The following DZIP3 variants were observed in gnomAD, a reference collection of about 807,000 sequenced individuals.
The protein encoded by DZIP3 is DAZ interacting zinc finger protein 3, also known as E3 ubiquitin-protein ligase DZIP3.
In DZIP3, 118 loss-of-function variants were observed where a neutral mutation model predicts 162.0. That is an observed-to-expected ratio of 0.73 (90% CI 0.63 to 0.85). DZIP3 has a LOEUF of 0.85. DZIP3 is among the 40% of genes least tolerant of loss of function. The pLI is 0.00. For synonymous variants in DZIP3, 438 were observed against 458.6 expected (o/e 0.96, Z 0.57); for missense variants, 1,331 against 1,407.0 (o/e 0.95, Z 0.86).
At chr3:108,606,028 TTCAG>T (rs1940345948) in intron 2 of DZIP3, among the ~76,000 whole-genome samples, 1 of 152,200 alleles carries the variant, frequency 6.6e-6, no homozygotes. Flanking sequence ...TACCTTATTG[TTCAG>T]TCATTCTCAC....
chr3:108,629,491 A>G (rs1559740035), intron 8 of DZIP3, among the ~76,000 whole-genome samples: 1 of 152,196 alleles, frequency 6.6e-6, no homozygotes, highest in Admixed American at 6.5e-5. Context: ...TTTAAATTAC[A>G]AAGTACTAAA....
intron 25 of DZIP3, among the ~76,000 whole-genome samples, chr3:108,677,070 G>C (rs1348830680): frequency 2.6e-5 from 4 of 151,986 alleles, no homozygotes; most frequent in African/African-American, 9.7e-5. Flanking sequence ...TTTTCCTTCC[G>C]TTTTTAAAAT....
At chr3:108,625,078 CT>C (rs1307735624) in intron 6 of DZIP3, among the ~76,000 whole-genome samples, 2 of 151,950 alleles carry the variant, frequency 1.3e-5, no homozygotes, top group African/African-American at 4.8e-5. Flanking sequence ...ATTTTAAATA[CT>C]TTAATGTAGT....
At chr3:108,663,964 CAG>C (rs1388257454) in intron 21 of DZIP3, among the ~76,000 whole-genome samples, 3 of 152,184 alleles carry the variant, frequency 2.0e-5, no homozygotes, top group South Asian at 2.1e-4. Context: ...TTACATAAAA[CAG>C]AGACTTCCAG....
intron 5 of DZIP3, among the ~76,000 whole-genome samples, chr3:108,623,095 C>T (rs2107559003): frequency 6.6e-6 from 1 of 152,058 alleles, no homozygotes; most frequent in East Asian, 1.9e-4. Context: ...AGGGCGAGTG[C>T]AGAAGTGCCA....
At chr3:108,611,350 T>A in intron 4 of DZIP3, 21 bp downstream of exon 4, 1 of 1,610,222 alleles carries the variant, frequency 6.2e-7, no homozygotes, top group Non-Finnish European at 8.5e-7. Flanking sequence ...AAGTTGTTAT[T>A]TGGGGCAGAA....
chr3:108,637,192 A>C (rs147990636), intron 11 of DZIP3, among the ~76,000 whole-genome samples: 2,113 of 152,172 alleles, frequency 0.014, 53 homozygotes, highest in African/African-American at 0.049. Context: ...ATAACTAAAT[A>C]GACCAAATTA....
intron 19 of DZIP3, among the ~76,000 whole-genome samples, chr3:108,656,798 A>G (rs889811979): frequency 2.6e-5 from 4 of 152,166 alleles, no homozygotes; most frequent in Non-Finnish European, 5.9e-5. Context: ...TCCTTAAAGG[A>G]CCTGATGGAG....
chr3:108,603,235 G>C (rs9856626), intron 1 of DZIP3: 101,816 of 152,064 alleles, frequency 0.67, 34,414 homozygotes, highest in East Asian at 0.98. Flanking sequence ...TATTCTCTAG[G>C]TATGAAATAA....
intron 5 of DZIP3, among the ~76,000 whole-genome samples, chr3:108,620,929 C>A (rs999597413): frequency 2.6e-5 from 4 of 152,196 alleles, no homozygotes; most frequent in African/African-American, 4.8e-5. Flanking sequence ...TCAAGTGATT[C>A]TTCTGCCTCA....
intron 23 of DZIP3, among the ~76,000 whole-genome samples, chr3:108,673,553 CT>C (rs1282151170): frequency 6.6e-6 from 1 of 151,848 alleles, no homozygotes; most frequent in African/African-American, 2.4e-5. Context: ...GGCTAAATTA[CT>C]GCAAGTAGTG....
Position 108,688,056 on chromosome 3 carries a change from T to G in DZIP3, c.3230T>G (p.Val1077Gly), listed in dbSNP as rs754014839. The change falls in exon 29 of 33, where the codon GTT becomes GGT. Residue 1077 changes from valine (V) to glycine (G), a missense_variant. This residue lies in a region of DZIP3 where 1,278 missense variants were observed against 1,317.1 expected (regional missense o/e 0.97). Transcript: ENST00000361582. ...TCTGAACTGACATTTGATGAAATTG[T>G]TTGCAAGATTTCCCAGTTTATTGAC... is the stretch of plus-strand genomic sequence containing the variant. Reference protein sequence around the residue: ...SLSELTFDEIVCKISQFIDPK... With the variant: ...SLSELTFDEIGCKISQFIDPK... The G allele has an allele frequency of 3.1e-6, 5 of 1,613,598 alleles. No individual in the cohort carries two copies. In the African/African-American group the frequency reaches 6.7e-5, roughly 22 times the overall value.
At chr3:108,653,554 A>G (rs1942972639) in intron 18 of DZIP3, among the ~76,000 whole-genome samples, 1 of 118,066 alleles carries the variant, frequency 8.5e-6, no homozygotes, top group Non-Finnish European at 1.9e-5. Flanking sequence ...TAGTATTTTC[A>G]TTTTTTAAAA....
chr3:108,681,289 C>G (rs1944298177), intron 26 of DZIP3, among the ~76,000 whole-genome samples: 1 of 152,036 alleles, frequency 6.6e-6, no homozygotes, highest in Non-Finnish European at 1.5e-5. Flanking sequence ...AGACACTTCT[C>G]AAAAGAAGAC....
At chr3:108,618,178 A>C (rs1485339714) in intron 5 of DZIP3, among the ~76,000 whole-genome samples, 2 of 152,190 alleles carry the variant, frequency 1.3e-5, no homozygotes, top group Non-Finnish European at 2.9e-5. Flanking sequence ...GGTAGGAGAA[A>C]AGGACAGGGG....
At chr3:108,628,935 T>C (rs1559739350) in intron 7 of DZIP3, 127 bp from the exon 8 acceptor site, 2 of 562,342 alleles carry the variant, frequency 3.6e-6, no homozygotes, top group East Asian at 6.4e-5. Context: ...TATTTGTATT[T>C]CTATGGCATG....
chr3:108,592,601 T>C (rs1367719555), intron 1 of DZIP3, among the ~76,000 whole-genome samples: 1 of 150,156 alleles, frequency 6.7e-6, no homozygotes, highest in Non-Finnish European at 1.5e-5. Flanking sequence ...GAGGCTGTCA[T>C]GGGAGGAACA....
chr3:108,677,634 C>T, intron 26 of DZIP3, 36 bp downstream of exon 26: 1 of 1,565,038 alleles, frequency 6.4e-7, no homozygotes, highest in Non-Finnish European at 8.8e-7. Flanking sequence ...TTGCCCTTTT[C>T]ATTTTGACAA....
chr3:108,647,940 T>G lies in DZIP3; in HGVS notation c.1793-3T>G. 4 of 1,524,298 alleles carry G rather than the reference T, an allele frequency of 2.6e-6. No individual in the cohort carries two copies. Among genetic ancestry groups the G allele is most frequent in the Non-Finnish European group, 3.5e-6 (4 of 1,141,552 alleles). The allele number at this position is 1,524,298 out of a possible 1,614,324, so 94.4% of individuals were successfully genotyped here. A position where few individuals can be genotyped will look rare whatever the true frequency, so the allele number is the denominator to read the frequency against. On this transcript the variant is annotated splice_region_variant and splice_polypyrimidine_tract_variant and intron_variant, in intron 15 of 32. Coordinates refer to ENST00000361582, the MANE Select transcript of DZIP3 (RefSeq NM_014648.4). The stretch of plus-strand genomic sequence containing the variant: ...TTTTGAGAATTTTGTCTTTTATGTT[T>G]AGGTATTGAAATAGAAGAGTTACAG...
Sources: gnomAD v4.1 joint callset for allele counts (sites outside exome capture counted in the v4.1 genomes callset) on GRCh38, gnomAD v4.1.1 for gene constraint, gnomAD v4.1.1 regional missense constraint, MANE v1.5 for transcripts, NCBI Gene and HGNC (gene_info 2026-07-23, HGNC 2026-07-21) for gene names.